The following ARHGEF2 variants were observed in gnomAD, a reference collection of about 807,000 sequenced individuals.
ARHGEF2 encodes the protein Rho/Rac guanine nucleotide exchange factor 2, also known as rho guanine nucleotide exchange factor 2.
A neutral mutation model predicts 121.0 loss-of-function variants in ARHGEF2; 22 were observed. The ratio of observed to expected loss-of-function variants is 0.18; its 90% confidence interval spans 0.13 to 0.26. The LOEUF (loss-of-function observed/expected upper bound fraction) is 0.26, where lower values mean the gene tolerates loss of function less well. Among genes scored for constraint, ARHGEF2 ranks in the 10% least tolerant of loss-of-function variants. ARHGEF2 has a pLI of 1.00. For synonymous variants in ARHGEF2, 487 were observed against 530.0 expected (o/e 0.92, Z 1.11); for missense variants, 907 against 1,336.0 (o/e 0.68, Z 5.01).
chr1:155,964,428 T>C (rs1027752687), intron 7 of ARHGEF2, among the ~76,000 whole-genome samples: 1 of 151,624 alleles, frequency 6.6e-6, no homozygotes, highest in Non-Finnish European at 1.5e-5. Flanking sequence ...TGTCGAGGCT[T>C]CCCACAGTCT....
Position 155,972,708 on chromosome 1 carries a change from CT to C in ARHGEF2, c.64-3409del, listed in dbSNP as rs879914050. On this transcript the variant is annotated intron_variant, in intron 1 of 21. Coordinates refer to ENST00000361247, the MANE Select transcript of ARHGEF2 (RefSeq NM_001162383.2). ...CCAGCATCTAGATACTTTTTTTTTT[CT>C]TTTTTTTTTTGAGACAGGGTCTCAC... Among the ~76,000 whole-genome samples, 158 of 142,732 alleles carry C rather than the reference CT, an allele frequency of 1.1e-3. 1 individual carries two copies. Among genetic ancestry groups the C allele is most frequent in the Non-Finnish European group, 6.8e-4 (44 of 64,620 alleles). 93.6% of individuals were successfully genotyped at this position (142,732 alleles called of 152,430 possible). A position where few individuals can be genotyped will look rare whatever the true frequency, so the allele number is the denominator to read the frequency against.
chr1:155,966,369 T>C, intron 4 of ARHGEF2, 47 bp downstream of exon 4: 1 of 1,597,102 alleles, frequency 6.3e-7, no homozygotes, highest in Non-Finnish European at 8.6e-7. Context: ...TTGAGCAGCC[T>C]GGGGTCCAGG....
chr1:155,966,714 AGGTG>A (rs980244098), intron 3 of ARHGEF2, 102 bp downstream of exon 3: 4 of 1,295,128 alleles, frequency 3.1e-6, no homozygotes, highest in African/African-American at 1.5e-5. Context: ...CTTGGTGAGG[AGGTG>A]GGTGGTGAGA....
At chr1:155,975,483 C>T (rs1357894919) in intron 1 of ARHGEF2, among the ~76,000 whole-genome samples, 1 of 152,050 alleles carries the variant, frequency 6.6e-6, no homozygotes, top group Admixed American at 6.6e-5. Context: ...CTTCTCCCCT[C>T]CCCCTCAACT....
At chr1:155,977,390 G>A (rs1469085687) in intron 1 of ARHGEF2, among the ~76,000 whole-genome samples, 1 of 152,130 alleles carries the variant, frequency 6.6e-6, no homozygotes, top group East Asian at 1.9e-4. Context: ...AGGGATAAAG[G>A]GTACTTGGAG....
rs561906122 is a variant in ARHGEF2 at position 155,947,556 on chromosome 1, G to A, written c.*386C>T. 12 of 399,290 alleles carry A rather than the reference G, an allele frequency of 3.0e-5. No homozygotes were observed. The East Asian group carries it at 4.2e-4, about 14-fold the overall frequency. 24.7% of individuals were successfully genotyped at this position (399,290 alleles called of 1,614,324 possible). A position where few individuals can be genotyped will look rare whatever the true frequency, so the allele number is the denominator to read the frequency against. On this transcript the variant is annotated 3_prime_UTR_variant, in exon 22 of 22. Transcript: ENST00000361247. ...GTTAGGGCAAGAACCCAGCAGCTGC[G>A]TGGATGAGCCTGAATATACCCCAGT...
intron 14 of ARHGEF2, among the ~76,000 whole-genome samples, chr1:155,954,624 G>GTTTT (rs1553238631): frequency 3.0e-4 from 26 of 87,626 alleles, no homozygotes; most frequent in South Asian, 4.1e-4. Context: ...GATTTTTGTG[G>GTTTT]TCTTTTAGTA....
At chr1:155,969,725 G>A (rs1291928799) in intron 1 of ARHGEF2, 33 of 1,001,250 alleles carry the variant, frequency 3.3e-5, no homozygotes, top group Middle Eastern at 1.0e-3. Context: ...GCTCACCAGC[G>A]CTTTCCAATC....
chr1:155,959,207 G>A (rs1175625032), intron 11 of ARHGEF2, among the ~76,000 whole-genome samples: 1 of 151,892 alleles, frequency 6.6e-6, no homozygotes, highest in East Asian at 1.9e-4. Flanking sequence ...AGAGCAAGAG[G>A]GACCATACTT....
In ARHGEF2 at chr1:155,947,719, C is replaced by T. The variant is rs774981667; in HGVS notation, c.*223G>A. ...TAAAGTTGCGGGAAGAAGGCATGAA[C>T]CACTGGCATCTGTGGTGTAGCTTTC... On this transcript the variant is annotated 3_prime_UTR_variant, in exon 22 of 22. Coordinates refer to ENST00000361247, the MANE Select transcript of ARHGEF2 (RefSeq NM_001162383.2). 3.7e-6 allele frequency: 2 copies of T among 540,828 alleles called. No individual in the cohort carries two copies. The highest frequency in any genetic ancestry group is 6.6e-6 in the Non-Finnish European group (2 of 303,320). The allele number at this position is 540,828 out of a possible 1,614,324, so 33.5% of individuals were successfully genotyped here.
chr1:155,948,805 G>A (rs1674811141), intron 21 of ARHGEF2, among the ~76,000 whole-genome samples: 1 of 152,066 alleles, frequency 6.6e-6, no homozygotes, highest in African/African-American at 2.4e-5. Context: ...TCCTCTGTCT[G>A]GGTCTCCGGG....
At position 155,972,287 on chromosome 1, in the gene ARHGEF2, C is replaced by A. The variant is rs1455089541; in HGVS notation, c.64-2987G>T. 3 of 465,106 alleles carry A rather than the reference C, an allele frequency of 6.5e-6. No individual in the cohort carries two copies. The Admixed American group carries it at 7.0e-5, about 11-fold the overall frequency. The allele number at this position is 465,106 out of a possible 1,614,324, so 28.8% of individuals were successfully genotyped here. A position where few individuals can be genotyped will look rare whatever the true frequency, so the allele number is the denominator to read the frequency against. Reference sequence around the variant, plus strand: ...CGAAGTGACCCCTGCTCTAGGTGGGCCAGCAGCGGGCAGCAGCCACAGCAG... The same window carrying A: ...CGAAGTGACCCCTGCTCTAGGTGGGACAGCAGCGGGCAGCAGCCACAGCAG... On this transcript the variant is annotated intron_variant, in intron 1 of 21. Transcript: ENST00000361247.
chr1:155,950,255 A>C lies in ARHGEF2; in HGVS notation c.2887+44T>G. On this transcript the variant is annotated intron_variant, in intron 21 of 21. Transcript: ENST00000361247. This position sits in a 1 kb window ranked among gnomAD's most constrained non-coding sequence, Gnocchi z 5.2. Reference sequence around the variant, plus strand: ...AGCCACAGCCCAATGGCCTGTACCCAGGCTGCACTCTACCTCTGGTCCATG... The same window carrying C: ...AGCCACAGCCCAATGGCCTGTACCCCGGCTGCACTCTACCTCTGGTCCATG... 2 of 1,603,884 alleles carry C rather than the reference A, an allele frequency of 1.2e-6. No homozygotes were observed. Among genetic ancestry groups the C allele is most frequent in the Non-Finnish European group, 1.7e-6 (2 of 1,177,760 alleles).
Position 155,947,204 on chromosome 1 carries a change from G to T in ARHGEF2, c.*738C>A. 2.7e-6 allele frequency: 1 copy of T among 367,970 alleles called. No homozygotes were observed. Among genetic ancestry groups the T allele is most frequent in the South Asian group, 2.0e-5 (1 of 49,108 alleles). 22.8% of individuals were successfully genotyped at this position (367,970 alleles called of 1,614,324 possible). ...GAGGCTTCGATCTCTAATTGCCTAC[G>T]ATCTCTTAAAAATATAAAACACGTG... On this transcript the variant is annotated 3_prime_UTR_variant, in exon 22 of 22. Transcript: ENST00000361247.
intron 1 of ARHGEF2, among the ~76,000 whole-genome samples, chr1:155,977,772 C>T (rs755473434): frequency 5.1e-4 from 77 of 152,212 alleles, no homozygotes; most frequent in Admixed American, 2.8e-3. Flanking sequence ...CCCGCCCACC[C>T]AGAGGGGAGA....
chr1:155,969,829 T>A (rs1263703243), intron 1 of ARHGEF2: 28 of 986,330 alleles, frequency 2.8e-5, no homozygotes, highest in Non-Finnish European at 3.3e-5. Context: ...GATCCCCTTA[T>A]TAGATTGGCT....
Position 155,965,678 on chromosome 1 carries a change from G to A in ARHGEF2, c.423C>T (p.Arg141=). 6.2e-7 allele frequency: 1 copy of A among 1,609,358 alleles called. No individual in the cohort carries two copies. The highest frequency in any genetic ancestry group is 8.5e-7 in the Non-Finnish European group (1 of 1,178,902). The change falls in exon 5 of 22, where the codon CGC becomes CGT. Residue 141 remains arginine (R), a synonymous_variant. Coordinates refer to ENST00000361247, the MANE Select transcript of ARHGEF2 (RefSeq NM_001162383.2). The surrounding 1 kb of genome is among the most constrained non-coding windows in gnomAD (Gnocchi z 6.0). ...CACTCTTGGCTAAAGACAAGGAGGA[G>A]CGGCCACGGCGGGAGCCCAGGAGGG... ...RQSLLGSRRG[R]SSLSLAKSVS... is the part of the protein sequence containing the mutation.
chr1:155,968,248 C>T (rs1679827711), intron 2 of ARHGEF2: 1 of 145,516 alleles, frequency 6.9e-6, no homozygotes, highest in African/African-American at 2.6e-5. Context: ...TTGTGAAGAG[C>T]AAAATGACAA....
At chr1:155,948,167 C>A (rs1242385896) in intron 21 of ARHGEF2, 152 bp from the exon 22 acceptor site, 3 of 566,902 alleles carry the variant, frequency 5.3e-6, no homozygotes, top group Non-Finnish European at 9.3e-6. Flanking sequence ...GAGAGGAAAA[C>A]CTTTGGCAAC....
Sources: gnomAD v4.1 joint callset for allele counts (sites outside exome capture counted in the v4.1 genomes callset) on GRCh38, gnomAD v4.1.1 for gene constraint, Gnocchi (gnomAD v3.1) non-coding constraint, MANE v1.5 for transcripts, NCBI Gene and HGNC (gene_info 2026-07-23, HGNC 2026-07-21) for gene names.